Variants in ANO4 observed in about 807,000 individuals in gnomAD.
The protein encoded by ANO4 is anoctamin-4.
In ANO4, 69 loss-of-function variants were observed where a neutral mutation model predicts 141.9. The observed-to-expected ratio is 0.49, with a 90% CI of 0.40 to 0.59. The LOEUF (loss-of-function observed/expected upper bound fraction) is 0.59, where lower values mean the gene tolerates loss of function less well. Among genes scored for constraint, ANO4 ranks in the 20% least tolerant of loss-of-function variants. The pLI, the probability that ANO4 is intolerant of heterozygous loss-of-function variation, is 0.00. For missense variants in ANO4, 894 were observed against 1,162.2 expected, an observed-to-expected ratio of 0.77 and a Z score of 3.36; for synonymous variants, 350 against 394.3, an observed-to-expected ratio of 0.89 and a Z score of 1.33.
At chr12:100,942,656 G>A in intron 5 of ANO4, 121 bp downstream of exon 5, 1 of 1,095,176 alleles carries the variant, frequency 9.1e-7, no homozygotes, top group Admixed American at 3.0e-5. Context: ...GAGTTTTCCA[G>A]TCTTCAGAGT....
chr12:100,725,343 CTTTTTT>C (rs5800419), intron 1 of ANO4, among the ~76,000 whole-genome samples: 2 of 114,952 alleles, frequency 1.7e-5, no homozygotes, highest in Non-Finnish European at 3.5e-5. Context: ...AAATTGGTAT[CTTTTTT>C]TTTTTTTTTT....
chr12:101,032,056 A>G (rs1593069441), intron 9 of ANO4, among the ~76,000 whole-genome samples: 1 of 152,194 alleles, frequency 6.6e-6, no homozygotes, highest in Non-Finnish European at 1.5e-5. Flanking sequence ...TACCATTGAC[A>G]TTCTTCACAG....
At chr12:100,979,039 G>A (rs2044332832) in intron 7 of ANO4, among the ~76,000 whole-genome samples, 1 of 152,082 alleles carries the variant, frequency 6.6e-6, no homozygotes, top group African/African-American at 2.4e-5. Flanking sequence ...GAAGAGAAGA[G>A]CGCCTGTGGC....
chr12:101,065,282 A>G (rs1479870367), intron 14 of ANO4, among the ~76,000 whole-genome samples: 1 of 151,042 alleles, frequency 6.6e-6, no homozygotes, highest in Non-Finnish European at 1.5e-5. Context: ...TATCTGTGGC[A>G]TCTTCTGAGG....
intron 1 of ANO4, among the ~76,000 whole-genome samples, chr12:100,820,895 T>C (rs1468101017): frequency 2.0e-5 from 3 of 152,060 alleles, no homozygotes; most frequent in Non-Finnish European, 4.4e-5. Context: ...TCATTAACGA[T>C]GCAAAGTCCG....
At chr12:100,890,078 T>C (rs1402723085) in intron 1 of ANO4, among the ~76,000 whole-genome samples, 1 of 151,150 alleles carries the variant, frequency 6.6e-6, no homozygotes, top group Non-Finnish European at 1.5e-5. Flanking sequence ...GTATTAATTA[T>C]AATTATGATA....
At chr12:100,984,890 C>T (rs146302083) in intron 7 of ANO4, among the ~76,000 whole-genome samples, 65 of 150,930 alleles carry the variant, frequency 4.3e-4, no homozygotes, top group African/African-American at 1.5e-3. Context: ...TGCCATTTCA[C>T]TCCTATAGAG....
In ANO4 at chr12:101,111,693, A is replaced by G. The variant is rs750419758; in HGVS notation, c.2433A>G (p.Gln811=). The change falls in exon 24 of 28, where the codon CAA becomes CAG. Residue 811 remains glutamine, a synonymous_variant. Transcript: ENST00000392977. ...YAYKYGPCAG[Q]GEAGQKCMVG... ...ATAAGTATGGACCTTGTGCAGGCCA[A>G]GGAGAAGCTGGGCAAAAGTAAGTTT... is the stretch of plus-strand genomic sequence containing the variant. 4 of 1,594,998 alleles carry G rather than the reference A, an allele frequency of 2.5e-6. No homozygotes were observed. The highest frequency in any genetic ancestry group is 3.6e-5 in the Admixed American group (2 of 55,704).
chr12:101,090,759 A>G (rs2136922630), intron 17 of ANO4, among the ~76,000 whole-genome samples: 1 of 152,274 alleles, frequency 6.6e-6, no homozygotes, highest in Admixed American at 6.5e-5. Flanking sequence ...AAAGAAAGAA[A>G]GAAATGCCTA....
intron 1 of ANO4, among the ~76,000 whole-genome samples, chr12:100,862,878 CG>C (rs1187906139): frequency 6.6e-6 from 1 of 152,030 alleles, no homozygotes; most frequent in Non-Finnish European, 1.5e-5. Flanking sequence ...TGACTGTATA[CG>C]GTAAGTCAGG....
intron 14 of ANO4, among the ~76,000 whole-genome samples, chr12:101,078,679 T>C (rs1039262728): frequency 1.3e-5 from 2 of 152,158 alleles, no homozygotes; most frequent in African/African-American, 4.8e-5. Flanking sequence ...ATATTTTACA[T>C]AGGTATTTGC....
At chr12:100,741,926 C>T (rs867996066) in intron 3 of ANO4, among the ~76,000 whole-genome samples, 3 of 152,088 alleles carry the variant, frequency 2.0e-5, no homozygotes, top group Non-Finnish European at 2.9e-5. Flanking sequence ...GCCAGATTAA[C>T]ATTTTATCAT....
intron 5 of ANO4, among the ~76,000 whole-genome samples, chr12:100,944,148 A>G (rs1335370378): frequency 1.3e-5 from 2 of 152,186 alleles, no homozygotes; most frequent in Non-Finnish European, 2.9e-5. Context: ...TTAGAACTTA[A>G]AAAGCCTAAT....
intron 3 of ANO4, among the ~76,000 whole-genome samples, chr12:100,772,150 C>A (rs2033327133): frequency 6.6e-6 from 1 of 152,068 alleles, no homozygotes; most frequent in South Asian, 2.1e-4. Flanking sequence ...GAACTCAAGG[C>A]CACTATTATT....
chr12:101,088,155 T>C (rs1234936026), intron 17 of ANO4, among the ~76,000 whole-genome samples: 1 of 152,174 alleles, frequency 6.6e-6, no homozygotes, highest in Non-Finnish European at 1.5e-5. Flanking sequence ...TCTTTTCTTT[T>C]ACTCACTGTG....
chr12:100,944,464 T>C (rs988912204), intron 5 of ANO4, among the ~76,000 whole-genome samples: 7 of 151,812 alleles, frequency 4.6e-5, no homozygotes, highest in African/African-American at 1.7e-4. Context: ...TGGCAAAACA[T>C]CATAAAAACT....
rs1181350334 is a variant in ANO4, at chr12:101,103,179, CATTTT to C, written c.2149+3462_2149+3466del. 3.0e-4 allele frequency among the ~76,000 whole-genome samples: 21 copies of C among 70,274 alleles called. 1 individual carries two copies. Among genetic ancestry groups the C allele is most frequent in the African/African-American group, 1.4e-3 (21 of 14,810 alleles). 46.1% of individuals were successfully genotyped at this position (70,274 alleles called of 152,430 possible). Reference sequence around the variant, plus strand: ...ATAACTTTACATTTTCCTTTTTAGTCATTTTATATATATATATATATATATATATA... The same window carrying C: ...ATAACTTTACATTTTCCTTTTTAGTCATATATATATATATATATATATATA... On this transcript the variant is annotated intron_variant, in intron 22 of 27. Coordinates refer to ENST00000392977, the MANE Select transcript of ANO4 (RefSeq NM_001286615.2).
intron 1 of ANO4, among the ~76,000 whole-genome samples, chr12:100,840,188 C>T (rs988540797): frequency 6.6e-6 from 1 of 152,124 alleles, no homozygotes; most frequent in Non-Finnish European, 1.5e-5. Context: ...TACCCGTTCT[C>T]TTTCCTTCTC....
At chr12:100,791,282 C>G (rs774088686), upstream of ANO4, among the ~76,000 whole-genome samples, 5 of 151,900 alleles carry the variant, frequency 3.3e-5, no homozygotes, top group Non-Finnish European at 5.9e-5. Context: ...TGGTGGCATG[C>G]ACCTGTGGTC....
Sources: gnomAD v4.1 joint callset for allele counts (sites outside exome capture counted in the v4.1 genomes callset) on GRCh38, gnomAD v4.1.1 for gene constraint, MANE v1.5 for transcripts, NCBI Gene and HGNC (gene_info 2026-07-23, HGNC 2026-07-21) for gene names.